Variants in IPP observed in about 807,000 individuals in gnomAD.
IPP encodes the protein actin-binding protein IPP.
IPP carries 41 observed loss-of-function variants against 64.1 expected under a neutral mutation model. The ratio of observed to expected loss-of-function variants is 0.64; its 90% CI spans 0.50 to 0.83. IPP has a LOEUF of 0.83. Among genes scored for constraint, IPP ranks in the 40% least tolerant of loss-of-function variants. The pLI, the probability that IPP is intolerant of heterozygous loss-of-function variation, is 0.00. For missense variants in IPP, 649 were observed against 703.0 expected (o/e 0.92, Z 0.87); for synonymous variants, 214 against 235.2 (o/e 0.91, Z 0.83).
At chr1:45,708,502 A>T (rs1418408750) in intron 8 of IPP, among the ~76,000 whole-genome samples, 3 of 140,454 alleles carry the variant, frequency 2.1e-5, no homozygotes, top group Non-Finnish European at 3.1e-5. Flanking sequence ...AACATGGTGA[A>T]ACCCCGTCTT....
At chr1:45,722,490 A>G (rs1645746897) in intron 5 of IPP, among the ~76,000 whole-genome samples, 1 of 152,186 alleles carries the variant, frequency 6.6e-6, no homozygotes, top group Non-Finnish European at 1.5e-5. Context: ...GGTTGCAGTG[A>G]GTCGACATCG....
At chr1:45,702,970 A>G (rs11211171) in intron 8 of IPP, among the ~76,000 whole-genome samples, 42,998 of 152,016 alleles carry the variant, frequency 0.28, 6,212 homozygotes, top group South Asian at 0.36. Context: ...ACAAGACATG[A>G]AAGTCCATTC....
At position 45,713,160 on chromosome 1, in the gene IPP, C is replaced by T. The variant is rs568651312; in HGVS notation, c.1530+1086G>A. 3.3e-3 allele frequency among the ~76,000 whole-genome samples: 509 copies of T among 152,000 alleles called. 1 individual carries two copies. The highest frequency in any genetic ancestry group is 6.5e-3 in the Non-Finnish European group (439 of 67,986). On this transcript the variant is annotated intron_variant, in intron 8 of 8. Transcript: ENST00000396478. ...TGGGATTTGGGGAGCGCAGTGGCTC[C>T]GAAAGATCTGTAATGCCAGTGCTTT...
chr1:45,741,058 A>G lies in IPP; in HGVS notation c.567T>C (p.Ser189=), dbSNP rs774855733. The G allele has an allele frequency of 6.2e-6, 10 of 1,614,016 alleles. No homozygotes were observed. Among genetic ancestry groups the G allele is most frequent in the Non-Finnish European group, 8.5e-6 (10 of 1,180,000 alleles). The change falls in exon 3 of 9, where the codon AGT becomes AGC. Residue 189 remains serine, a synonymous_variant. Coordinates refer to ENST00000396478, the MANE Select transcript of IPP (RefSeq NM_005897.3). ...TKDQLIKILR[S]EELSIEDEYQ... ...ATTCATCCTCAATGCTAAGCTCTTCACTTCGCAAAATTTTGATCAGCTGAT... is the reference window on the plus strand; with the variant it reads ...ATTCATCCTCAATGCTAAGCTCTTCGCTTCGCAAAATTTTGATCAGCTGAT...
At chr1:45,712,189 G>A (rs549180245) in intron 8 of IPP, among the ~76,000 whole-genome samples, 14 of 151,564 alleles carry the variant, frequency 9.2e-5, no homozygotes, top group South Asian at 2.1e-4. Flanking sequence ...ATGGTGGCGC[G>A]TGCCTGTAAT....
At chr1:45,731,702 G>A (rs966648727) in intron 3 of IPP, among the ~76,000 whole-genome samples, 2 of 151,906 alleles carry the variant, frequency 1.3e-5, no homozygotes, top group Admixed American at 6.6e-5. Flanking sequence ...TTGGGAGGCC[G>A]AGGGGGGTGA....
chr1:45,735,782 A>G (rs912644039), intron 3 of IPP, among the ~76,000 whole-genome samples: 1 of 151,570 alleles, frequency 6.6e-6, no homozygotes, highest in Non-Finnish European at 1.5e-5. Context: ...GATGCGTGAC[A>G]CCACACCAGG....
intron 3 of IPP, 79 bp from the exon 4 acceptor site, chr1:45,729,848 A>C (rs550708792): frequency 1.2e-6 from 1 of 838,154 alleles, no homozygotes; most frequent in Non-Finnish European, 1.8e-6. Context: ...TAAAGATAAG[A>C]TACATTTAAC....
In IPP at chr1:45,743,497, T is replaced by C. The variant is rs147683655; in HGVS notation, c.293-2165A>G. Among the ~76,000 whole-genome samples, 198 of 151,838 alleles carry C rather than the reference T, an allele frequency of 1.3e-3. 4 individuals carry two copies. In the East Asian group the frequency reaches 0.037, roughly 28 times the overall value. On this transcript the variant is annotated intron_variant, in intron 2 of 8. Transcript: ENST00000396478. ...GGGAGGCTGAGGTGGGAGGATTGCTTGAGCCTAGGAGTTTGAGACCAGTCT... is the reference window on the plus strand; with the variant it reads ...GGGAGGCTGAGGTGGGAGGATTGCTCGAGCCTAGGAGTTTGAGACCAGTCT...
In IPP at chr1:45,714,362, C is replaced by T. The variant is rs1390113097; in HGVS notation, c.1414G>A (p.Gly472Arg). ...SKRWSPLPPM[G>R]TRRAYLGVAA... ...ACACCAAGATATGCTCTCCTGGTTC[C>T]CATTGGAGGAAGTGGAGACCAACGC... The change falls in exon 8 of 9, where the codon GGA becomes AGA. Residue 472 changes from glycine (G) to arginine (R), a missense_variant. By Grantham distance (125) the Gly-to-Arg change is moderately radical (BLOSUM62 -2). Coordinates refer to ENST00000396478, the MANE Select transcript of IPP (RefSeq NM_005897.3). 2 of 1,613,708 alleles carry T rather than the reference C, an allele frequency of 1.2e-6. No individual in the cohort carries two copies. The highest frequency in any genetic ancestry group is 2.7e-5 in the African/African-American group (2 of 74,896).
intron 8 of IPP, among the ~76,000 whole-genome samples, chr1:45,713,484 C>T (rs1259406801): frequency 6.6e-6 from 1 of 151,898 alleles, no homozygotes; most frequent in Non-Finnish European, 1.5e-5. Context: ...TGCTTGAACC[C>T]AGGAGGCGGA....
At chr1:45,724,327 C>T (rs969620892) in intron 5 of IPP, among the ~76,000 whole-genome samples, 1 of 151,400 alleles carries the variant, frequency 6.6e-6, no homozygotes, top group Non-Finnish European at 1.5e-5. Context: ...GATCTCGGCT[C>T]GCTACAACCA....
chr1:45,733,859 C>T (rs1021396060), intron 3 of IPP, among the ~76,000 whole-genome samples: 2 of 151,492 alleles, frequency 1.3e-5, no homozygotes, highest in African/African-American at 4.8e-5. Context: ...TTATGCCCAC[C>T]CAAATTGGTG....
At chr1:45,719,982 A>G (rs771579591) in intron 5 of IPP, among the ~76,000 whole-genome samples, 22 of 152,306 alleles carry the variant, frequency 1.4e-4, no homozygotes, top group Middle Eastern at 3.4e-3. Flanking sequence ...TCAGCCTCCC[A>G]AAGTGTTGGG....
At chr1:45,718,393 A>G (rs1378939236) in intron 6 of IPP, among the ~76,000 whole-genome samples, 1 of 152,252 alleles carries the variant, frequency 6.6e-6, no homozygotes. Context: ...AGATACCTGC[A>G]GAAGAATGTG....
intron 3 of IPP, among the ~76,000 whole-genome samples, chr1:45,735,466 C>CTTTTTTTTTTTT (rs756979985): frequency 3.5e-5 from 2 of 57,948 alleles, no homozygotes; most frequent in Non-Finnish European, 6.2e-5. Context: ...TTTAATTTTG[C>CTTTTTTTTTTTT]TTTTTTTTTT....
At chr1:45,711,731 G>T (rs1645592991) in intron 8 of IPP, among the ~76,000 whole-genome samples, 1 of 150,504 alleles carries the variant, frequency 6.6e-6, no homozygotes, top group East Asian at 1.9e-4. Flanking sequence ...TCTAGCTTAG[G>T]CGTCAGAGTA....
At chr1:45,742,604 GC>G (rs1646081350) in intron 2 of IPP, among the ~76,000 whole-genome samples, 1 of 152,098 alleles carries the variant, frequency 6.6e-6, no homozygotes, top group African/African-American at 2.4e-5. Context: ...CGCAATCTTG[GC>G]CCACTGCAAC....
At position 45,699,306 on chromosome 1, in the gene IPP, T is replaced by C. The variant is rs1645418291; in HGVS notation, c.*660A>G. 1.0e-6 allele frequency: 1 copy of C among 985,330 alleles called. No homozygotes were observed. The highest frequency in any genetic ancestry group is 1.2e-6 in the Non-Finnish European group (1 of 829,940). 61.0% of individuals were successfully genotyped at this position (985,330 alleles called of 1,614,324 possible). On this transcript the variant is annotated 3_prime_UTR_variant, in exon 9 of 9. Transcript: ENST00000396478. ...TAAATAAAAGTAGGAATCTATTTCA[T>C]TGGCTTTCTCTGTGGCTCAAACTAT...
Sources: gnomAD v4.1 joint callset for allele counts (sites outside exome capture counted in the v4.1 genomes callset) on GRCh38, gnomAD v4.1.1 for gene constraint, MANE v1.5 for transcripts, NCBI Gene and HGNC (gene_info 2026-07-23, HGNC 2026-07-21) for gene names.